The following GOLGA5 variants were observed in gnomAD, a reference collection of about 807,000 sequenced individuals.
GOLGA5 encodes golgin A5.
In GOLGA5, 50 loss-of-function variants were observed where a neutral mutation model predicts 93.5. The ratio of observed to expected loss-of-function variants is 0.53; its 90% CI spans 0.43 to 0.68. The LOEUF is 0.68. GOLGA5 is among the 30% of genes least tolerant of loss of function. The pLI, the probability that GOLGA5 is intolerant of heterozygous loss-of-function variation, is 0.00. For missense variants in GOLGA5, 760 were observed against 856.4 expected, an observed-to-expected ratio of 0.89 and a Z score of 1.40; for synonymous variants, 312 against 304.5, an observed-to-expected ratio of 1.02 and a Z score of -0.26.
rs964253915 is a variant in GOLGA5, at chr14:92,799,710, G to T, written c.544+1729G>T. Among the ~76,000 whole-genome samples, 6 of 152,016 alleles carry T rather than the reference G, an allele frequency of 3.9e-5. No individual in the cohort carries two copies. The East Asian group carries it at 9.6e-4, about 24-fold the overall frequency. ...CAACCTCCACCTCCTGGGTTCAAGC[G>T]ATTCTCCATTTCAGCCTCCCGAGTA... On this transcript the variant is annotated intron_variant, in intron 2 of 12. Coordinates refer to ENST00000163416, the MANE Select transcript of GOLGA5 (RefSeq NM_005113.4).
In GOLGA5 at chr14:92,797,637, C is replaced by G. The variant is rs17128572; in HGVS notation, c.200C>G (p.Ala67Gly). 130,680 of 1,612,560 alleles carry G rather than the reference C, an allele frequency of 0.081. 6,883 individuals are homozygous for G. The highest frequency in any genetic ancestry group is 0.2 in the South Asian group (17,754 of 91,034). Reference protein sequence around the residue: ...GPKSTYISSAADNIRNQKATI... With the variant: ...GPKSTYISSAGDNIRNQKATI... ...AAATCTACGTATATTTCATCAGCAG[C>G]TGATAACATTCGAAATCAAAAAGCC... Residue 67 changes from alanine (A) to glycine (G), a missense_variant, in exon 2 of 13, where the codon GCT (alanine) becomes GGT (glycine). By Grantham distance (60) the Ala-to-Gly change is moderately conservative. Coordinates refer to ENST00000163416, the MANE Select transcript of GOLGA5 (RefSeq NM_005113.4).
At chr14:92,802,629 T>G (rs1184459260) in intron 2 of GOLGA5, among the ~76,000 whole-genome samples, 4 of 151,952 alleles carry the variant, frequency 2.6e-5, no homozygotes. Context: ...AAATGTCTAG[T>G]TTGAGGTTTT....
chr14:92,816,493 A>T, intron 7 of GOLGA5, 72 bp downstream of exon 7: 1 of 1,264,670 alleles, frequency 7.9e-7, no homozygotes. Flanking sequence ...GAGGTGGGGA[A>T]ACAGCATTAC....
chr14:92,827,054 A>T (rs1487730338), intron 9 of GOLGA5, among the ~76,000 whole-genome samples: 1 of 152,182 alleles, frequency 6.6e-6, no homozygotes, highest in African/African-American at 2.4e-5. Context: ...CTCTCTCTGT[A>T]TATATATATC....
chr14:92,827,935 G>A (rs1014682454), intron 9 of GOLGA5, among the ~76,000 whole-genome samples: 1 of 152,206 alleles, frequency 6.6e-6, no homozygotes, highest in Non-Finnish European at 1.5e-5. Context: ...GCTAAGAGAG[G>A]TGAGGAAGCT....
intron 12 of GOLGA5, 139 bp from the exon 13 acceptor site, chr14:92,839,227 G>C (rs1439181021): frequency 1.6e-6 from 1 of 614,692 alleles, no homozygotes; most frequent in East Asian, 2.7e-5. Context: ...AGCTCATTTA[G>C]TTGTTTCATT....
Position 92,819,835 on chromosome 14 carries a change from A to G in GOLGA5, c.1619A>G (p.Gln540Arg), listed in dbSNP as rs1885278853. The stretch of plus-strand genomic sequence containing the variant: ...GAGACAGAACTGGAGCGACTGAAGC[A>G]GGTCAGGATTTGAGATTGATGACTT... ...ELETELERLK[Q>R]EFHYIEEDLY... Residue 540 changes from glutamine (Q) to arginine (R), a missense_variant and splice_region_variant, in exon 8 of 13, where the codon CAG (glutamine) becomes CGG (arginine). Gln to Arg is a conservative substitution (Grantham distance 43). Transcript: ENST00000163416. The G allele has an allele frequency of 6.2e-7, 1 of 1,613,734 alleles. No homozygotes were observed. The highest frequency in any genetic ancestry group is 8.5e-7 in the Non-Finnish European group (1 of 1,179,802).
At position 92,809,474 on chromosome 14, in the gene GOLGA5, G is replaced by C. The variant is rs760408276; in HGVS notation, c.947G>C (p.Ser316Thr). ...VRLQEADQLL[S>T]TRTEALEALQ... ...CTCCAGGAAGCTGACCAGCTACTGA[G>C]TACTCGCACAGAAGCATTAGAAGCC... Residue 316 changes from serine (S) to threonine (T), a missense_variant, in exon 4 of 13, where the codon AGT becomes ACT. Transcript: ENST00000163416. 3.7e-6 allele frequency: 6 copies of C among 1,613,944 alleles called. No individual in the cohort carries two copies. In the South Asian group the frequency reaches 6.6e-5, roughly 18 times the overall value.
At chr14:92,829,961 ACT>A (rs1029528321) in intron 9 of GOLGA5, among the ~76,000 whole-genome samples, 8 of 152,212 alleles carry the variant, frequency 5.3e-5, no homozygotes, top group Admixed American at 3.9e-4. Context: ...TCAAGGCAAG[ACT>A]CTCCACCAAC....
chr14:92,802,263 T>C (rs1884889106), intron 2 of GOLGA5, among the ~76,000 whole-genome samples: 1 of 152,224 alleles, frequency 6.6e-6, no homozygotes. Context: ...CCTAAGTAGT[T>C]TATATTTTTT....
At chr14:92,801,990 G>A (rs1566952672) in intron 2 of GOLGA5, among the ~76,000 whole-genome samples, 1 of 152,142 alleles carries the variant, frequency 6.6e-6, no homozygotes, top group Non-Finnish European at 1.5e-5. Context: ...TCTTTCTTCA[G>A]AAATGTTTTG....
intron 6 of GOLGA5, among the ~76,000 whole-genome samples, chr14:92,813,118 C>T (rs1239048571): frequency 1.3e-5 from 2 of 152,140 alleles, no homozygotes; most frequent in Non-Finnish European, 2.9e-5. Context: ...CTTCTAATGG[C>T]TATGAATACC....
intron 9 of GOLGA5, among the ~76,000 whole-genome samples, chr14:92,825,855 C>A (rs371624022): frequency 6.2e-3 from 721 of 116,968 alleles, no homozygotes; most frequent in Middle Eastern, 9.4e-3. Flanking sequence ...GACCCTGTCT[C>A]AAAAAAAAAA....
chr14:92,831,072 A>AC (rs199822280), intron 9 of GOLGA5, among the ~76,000 whole-genome samples: 483 of 152,300 alleles, frequency 3.2e-3, no homozygotes, highest in Middle Eastern at 0.014. Context: ...AAGGTATACT[A>AC]CCACACACCC....
Position 92,837,393 on chromosome 14 carries a change from C to T in GOLGA5, c.2059C>T (p.Leu687=). Residue 687 remains leucine (L), a synonymous_variant, in exon 12 of 13, where the codon CTG becomes TTG. Transcript: ENST00000163416. ...ASSIDQFSIR[L]GIFLRRYPIA... ...ACACCTGTGTCTGCACAGTATTCGC[C>T]TGGGAATTTTTCTCCGAAGATACCC... The T allele has an allele frequency of 6.5e-7, 1 of 1,531,718 alleles. No individual in the cohort carries two copies. The highest frequency in any genetic ancestry group is 9.0e-7 in the Non-Finnish European group (1 of 1,105,602). 94.9% of individuals were successfully genotyped at this position (1,531,718 alleles called of 1,614,324 possible).
Position 92,797,598 on chromosome 14 carries a change from A to G in GOLGA5, c.161A>G (p.Tyr54Cys). The G allele has an allele frequency of 6.2e-7, 1 of 1,613,672 alleles. No homozygotes were observed. Among genetic ancestry groups the G allele is most frequent in the Non-Finnish European group, 8.5e-7 (1 of 1,179,570 alleles). The change falls in exon 2 of 13, where the codon TAT (tyrosine) becomes TGT (cysteine). Residue 54 changes from tyrosine to cysteine, a missense_variant. Tyr to Cys is a radical substitution (Grantham distance 194, BLOSUM62 -2). Coordinates refer to ENST00000163416, the MANE Select transcript of GOLGA5 (RefSeq NM_005113.4). ...ELHQQNTDLIYQTGPKSTYIS... is the reference protein window; with the variant it reads ...ELHQQNTDLICQTGPKSTYIS... ...CACCAGCAAAATACAGATTTGATAT[A>G]TCAGACTGGACCTAAATCTACGTAT...
Position 92,806,749 on chromosome 14 carries a change from C to T in GOLGA5, c.558C>T (p.Asn186=), listed in dbSNP as rs181527845. Reference sequence around the variant, plus strand: ...TTTTTTTTACAGAAGCTGCCAGTAACTCAGATTCTAGCCATGAAGGTCAAG... The same window carrying T: ...TTTTTTTTACAGAAGCTGCCAGTAATTCAGATTCTAGCCATGAAGGTCAAG... ...FGSQTHEAAS[N]SDSSHEGQEE... The change falls in exon 3 of 13, where the codon AAC becomes AAT. Residue 186 remains asparagine (N), a synonymous_variant. Transcript: ENST00000163416. 3 of 1,612,146 alleles carry T rather than the reference C, an allele frequency of 1.9e-6. No homozygotes were observed. The African/African-American group carries it at 4.0e-5, about 21-fold the overall frequency.
At chr14:92,819,242 TTAGCCA>T (rs925628344) in intron 7 of GOLGA5, among the ~76,000 whole-genome samples, 20 of 152,316 alleles carry the variant, frequency 1.3e-4, no homozygotes, top group African/African-American at 4.8e-4. Flanking sequence ...CATTCTGCTG[TTAGCCA>T]TAGTAGACAA....
chr14:92,798,649 C>T (rs780282121), intron 2 of GOLGA5, among the ~76,000 whole-genome samples: 2 of 152,230 alleles, frequency 1.3e-5, no homozygotes, highest in South Asian at 2.1e-4. Flanking sequence ...GGCGTGGTGG[C>T]TTACACCTGT....
Sources: gnomAD v4.1 joint callset for allele counts (sites outside exome capture counted in the v4.1 genomes callset) on GRCh38, gnomAD v4.1.1 for gene constraint, MANE v1.5 for transcripts, NCBI Gene and HGNC (gene_info 2026-07-23, HGNC 2026-07-21) for gene names.